Variants in CWC27 observed in about 807,000 individuals in gnomAD.
The protein encoded by CWC27 is CWC27 spliceosome associated cyclophilin.
CWC27 carries 47 observed loss-of-function variants against 63.6 expected under a neutral mutation model. The ratio of observed to expected loss-of-function variants is 0.74; its 90% CI spans 0.58 to 0.94. The LOEUF (loss-of-function observed/expected upper bound fraction) is 0.94. Ranked by LOEUF, CWC27 falls within the 40% of genes least tolerant of loss-of-function variation. The pLI is 0.00. For missense variants in CWC27, 495 were observed against 554.3 expected (o/e 0.89, Z 1.07); for synonymous variants, 175 against 179.8 (o/e 0.97, Z 0.22).
intron 10 of CWC27, among the ~76,000 whole-genome samples, chr5:64,841,584 C>T (rs546735493): frequency 5.9e-5 from 9 of 152,206 alleles, no homozygotes; most frequent in Non-Finnish European, 1.3e-4. Flanking sequence ...TCACCAAAAC[C>T]TATCAGATCT....
intron 10 of CWC27, among the ~76,000 whole-genome samples, chr5:64,812,104 A>G (rs1432653488): frequency 2.6e-5 from 4 of 152,066 alleles, no homozygotes; most frequent in African/African-American, 9.6e-5. Context: ...TAGATTTAGG[A>G]AGTACAGAGT....
intron 7 of CWC27, among the ~76,000 whole-genome samples, chr5:64,796,831 T>C (rs565848913): frequency 2.0e-3 from 231 of 118,240 alleles, no homozygotes; most frequent in African/African-American, 7.5e-3. Flanking sequence ...CCTTCTTCCT[T>C]CCTTCCTTCT....
intron 7 of CWC27, among the ~76,000 whole-genome samples, chr5:64,799,279 C>T (rs112663925): frequency 6.6e-6 from 1 of 152,168 alleles, no homozygotes; most frequent in African/African-American, 2.4e-5. Flanking sequence ...AGCACAGTGC[C>T]TAGCACAAAG....
chr5:64,771,587 T>C (rs1743256466), intron 1 of CWC27, among the ~76,000 whole-genome samples: 1 of 152,220 alleles, frequency 6.6e-6, no homozygotes, highest in Non-Finnish European at 1.5e-5. Context: ...GCTTCTTCAC[T>C]TAGTGTAATG....
At chr5:64,991,964 G>A (rs1245669213) in intron 13 of CWC27, among the ~76,000 whole-genome samples, 2 of 152,082 alleles carry the variant, frequency 1.3e-5, no homozygotes, top group Non-Finnish European at 2.9e-5. Flanking sequence ...CAGAATAACC[G>A]ACATACTAGG....
intron 10 of CWC27, chr5:64,807,946 A>C: frequency 1.4e-6 from 2 of 1,413,046 alleles, no homozygotes; most frequent in South Asian, 1.6e-5. Flanking sequence ...CTCACCTACC[A>C]CTCCACTGAA....
intron 7 of CWC27, among the ~76,000 whole-genome samples, chr5:64,793,451 C>T (rs1744147677): frequency 6.6e-6 from 1 of 152,054 alleles, no homozygotes. Context: ...GAGATAAATT[C>T]TGGAGAGAAT....
At chr5:64,809,561 G>T (rs1744805576) in intron 10 of CWC27, among the ~76,000 whole-genome samples, 2 of 152,030 alleles carry the variant, frequency 1.3e-5, no homozygotes, top group Non-Finnish European at 2.9e-5. Context: ...TAGAGACAGG[G>T]TTTCACTGTG....
At chr5:64,859,603 G>C (rs1746348883) in intron 10 of CWC27, among the ~76,000 whole-genome samples, 1 of 152,142 alleles carries the variant, frequency 6.6e-6, no homozygotes, top group Non-Finnish European at 1.5e-5. Flanking sequence ...TGGCAAGTAT[G>C]ACTATAGTGA....
At chr5:64,822,348 A>G (rs552524646) in intron 10 of CWC27, among the ~76,000 whole-genome samples, 46 of 152,360 alleles carry the variant, frequency 3.0e-4, no homozygotes, top group East Asian at 1.7e-3. Context: ...AAAGAAATCT[A>G]TATAAAACAC....
intron 11 of CWC27, among the ~76,000 whole-genome samples, chr5:64,910,547 G>A (rs1197502895): frequency 1.3e-5 from 2 of 152,224 alleles, no homozygotes; most frequent in East Asian, 1.9e-4. Flanking sequence ...TCTATGCCCT[G>A]CCCCCAGAGG....
chr5:64,888,544 CAT>C (rs1170002522), intron 11 of CWC27, among the ~76,000 whole-genome samples: 3 of 147,266 alleles, frequency 2.0e-5, no homozygotes, highest in African/African-American at 7.4e-5. Context: ...TACATGTCAA[CAT>C]ATTATATAAA....
intron 10 of CWC27, among the ~76,000 whole-genome samples, chr5:64,838,317 C>T (rs2112274683): frequency 6.6e-6 from 1 of 152,204 alleles, no homozygotes. Flanking sequence ...TGCAATATAT[C>T]AGCATAATTT....
chr5:64,785,689 C>A, intron 5 of CWC27, 110 bp downstream of exon 5: 1 of 591,668 alleles, frequency 1.7e-6, no homozygotes, highest in Non-Finnish European at 2.9e-6. Flanking sequence ...GTTAACATCA[C>A]AACTCAAATT....
intron 10 of CWC27, among the ~76,000 whole-genome samples, chr5:64,816,219 G>A (rs774172010): frequency 2.0e-5 from 3 of 152,102 alleles, no homozygotes; most frequent in South Asian, 2.1e-4. Flanking sequence ...TCTTATTGGC[G>A]TGGCCCAGGT....
intron 11 of CWC27, among the ~76,000 whole-genome samples, chr5:64,946,993 T>G (rs777535850): frequency 3.3e-5 from 5 of 152,130 alleles, no homozygotes; most frequent in Non-Finnish European, 7.4e-5. Flanking sequence ...AGACTTGCAT[T>G]TCTCATCTGT....
intron 13 of CWC27, among the ~76,000 whole-genome samples, chr5:64,995,185 T>A (rs2112461475): frequency 6.6e-6 from 1 of 152,216 alleles, no homozygotes; most frequent in South Asian, 2.1e-4. Flanking sequence ...TTGGCCAGGC[T>A]GGTCTCAAAC....
intron 11 of CWC27, among the ~76,000 whole-genome samples, chr5:64,899,482 A>C (rs1747453968): frequency 2.0e-5 from 3 of 152,332 alleles, no homozygotes; most frequent in Middle Eastern, 3.4e-3. Context: ...AAGAATAACA[A>C]TGAAAAAGAC....
At chr5:64,954,650 C>CTATATATATATATATGTAGAAAGCACTA (rs1748772162) in intron 11 of CWC27, among the ~76,000 whole-genome samples, 1 of 146,302 alleles carries the variant, frequency 6.8e-6, no homozygotes, top group South Asian at 2.2e-4. Flanking sequence ...ATAGAAAGCA[C>CTATATATATATATATGTAGAAAGCACTA]TATATATATA....
Sources: gnomAD v4.1 joint callset for allele counts (sites outside exome capture counted in the v4.1 genomes callset) on GRCh38, gnomAD v4.1.1 for gene constraint, MANE v1.5 for transcripts, NCBI Gene and HGNC (gene_info 2026-07-23, HGNC 2026-07-21) for gene names.